Variants in PARD3 observed in about 807,000 individuals in gnomAD.
PARD3 encodes the protein partitioning defective 3 homolog.
A neutral mutation model predicts 155.4 loss-of-function variants in PARD3; 75 were observed. That is an observed-to-expected ratio of 0.48 (90% confidence interval 0.40 to 0.58). PARD3 has a LOEUF of 0.58. Ranked by LOEUF, PARD3 falls within the 20% of genes least tolerant of loss-of-function variation. PARD3 has a pLI of 0.00. For missense variants in PARD3, 1,642 were observed against 1,721.7 expected (o/e 0.95, Z 0.82); for synonymous variants, 576 against 610.5 (o/e 0.94, Z 0.83).
rs140652667 is a variant in PARD3, at chr10:34,389,904, T to C, written c.891-5650A>G. On this transcript the variant is annotated intron_variant, in intron 7 of 24. Coordinates refer to ENST00000374788, the MANE Select transcript of PARD3 (RefSeq NM_001184785.2). The stretch of plus-strand genomic sequence containing the variant: ...GGTAAATAAAAATGGAAAATTCCTT[T>C]AGATTACAGCAGAAATCACAGATGT... Among the ~76,000 whole-genome samples, 664 of 152,292 alleles carry C rather than the reference T, an allele frequency of 4.4e-3. 3 individuals are homozygous for C. Among genetic ancestry groups the C allele is most frequent in the Middle Eastern group, 0.027 (8 of 294 alleles).
At chr10:34,562,162 G>A (rs965583243) in intron 2 of PARD3, among the ~76,000 whole-genome samples, 3 of 146,386 alleles carry the variant, frequency 2.0e-5, no homozygotes, top group Non-Finnish European at 4.5e-5. Flanking sequence ...AGGCTTGTTG[G>A]GGGGTGGCTC....
intron 2 of PARD3, among the ~76,000 whole-genome samples, chr10:34,645,603 CTCTTACCA>C (rs1564455648): frequency 6.6e-6 from 1 of 152,208 alleles, no homozygotes; most frequent in Non-Finnish European, 1.5e-5. Flanking sequence ...AAACAGGTAT[CTCTTACCA>C]TCTGACCAGC....
intron 22 of PARD3, among the ~76,000 whole-genome samples, chr10:34,145,215 A>ATTTTT (rs1431781010): frequency 3.8e-4 from 22 of 57,598 alleles, no homozygotes; most frequent in Non-Finnish European, 5.9e-4. Context: ...ATATATATAT[A>ATTTTT]TATATATTTT....
intron 3 of PARD3, among the ~76,000 whole-genome samples, chr10:34,478,375 CA>C (rs1341736968): frequency 6.6e-6 from 1 of 152,014 alleles, no homozygotes; most frequent in East Asian, 1.9e-4. Context: ...GCTATCCAGA[CA>C]AAAATAAAAC....
intron 19 of PARD3, among the ~76,000 whole-genome samples, chr10:34,322,272 A>T (rs1226368172): frequency 1.3e-5 from 2 of 152,224 alleles, no homozygotes; most frequent in African/African-American, 4.8e-5. Flanking sequence ...AAATTACCCT[A>T]TGGATAGCTG....
intron 2 of PARD3, among the ~76,000 whole-genome samples, chr10:34,675,193 T>C (rs1467274409): frequency 6.6e-6 from 1 of 152,234 alleles, no homozygotes. Flanking sequence ...AAAGCTTTTT[T>C]GTTGAATTTT....
At chr10:34,413,614 T>TGC (rs1845351281) in intron 5 of PARD3, among the ~76,000 whole-genome samples, 1 of 152,150 alleles carries the variant, frequency 6.6e-6, no homozygotes, top group Non-Finnish European at 1.5e-5. Context: ...GCCTCACAGG[T>TGC]CTCTATCACC....
chr10:34,357,214 TTCAG>T (rs1677447870), intron 14 of PARD3, among the ~76,000 whole-genome samples: 1 of 152,188 alleles, frequency 6.6e-6, no homozygotes, highest in Admixed American at 6.5e-5. Flanking sequence ...AACACTGATC[TTCAG>T]TTCATTTCTG....
chr10:34,751,725 C>A (rs534371256), intron 1 of PARD3, among the ~76,000 whole-genome samples: 2 of 152,088 alleles, frequency 1.3e-5, no homozygotes, highest in South Asian at 4.2e-4. Flanking sequence ...CACTTCAGCC[C>A]CTCAAGTAGC....
At chr10:34,508,836 G>A (rs910971133) in intron 3 of PARD3, among the ~76,000 whole-genome samples, 1 of 152,118 alleles carries the variant, frequency 6.6e-6, no homozygotes, top group Non-Finnish European at 1.5e-5. Context: ...AAGTGGATCT[G>A]CACTCAGGAG....
chr10:34,616,335 T>C (rs970113919), intron 2 of PARD3, among the ~76,000 whole-genome samples: 2 of 151,506 alleles, frequency 1.3e-5, no homozygotes, highest in African/African-American at 4.9e-5. Context: ...AAAAAAAAAT[T>C]AAAAAAAGCA....
At chr10:34,361,058 C>T (rs778951602) in intron 12 of PARD3, among the ~76,000 whole-genome samples, 3 of 152,128 alleles carry the variant, frequency 2.0e-5, no homozygotes, top group Non-Finnish European at 4.4e-5. Flanking sequence ...AGATGACAGC[C>T]TATCATTAAG....
chr10:34,686,601 C>A (rs1250906712), intron 2 of PARD3, among the ~76,000 whole-genome samples: 4 of 151,786 alleles, frequency 2.6e-5, no homozygotes, highest in Admixed American at 6.6e-5. Context: ...ATTAGCCAGG[C>A]ATGGTGGTGG....
At chr10:34,271,954 C>T (rs1283130943) in intron 21 of PARD3, among the ~76,000 whole-genome samples, 4 of 152,160 alleles carry the variant, frequency 2.6e-5, no homozygotes, top group Non-Finnish European at 5.9e-5. Flanking sequence ...CCTAACGAAA[C>T]AAAACACACA....
chr10:34,270,580 T>C (rs1390153779), intron 21 of PARD3, among the ~76,000 whole-genome samples: 5 of 152,212 alleles, frequency 3.3e-5, no homozygotes, highest in East Asian at 1.9e-4. Flanking sequence ...TAACGTTACA[T>C]ACACTTTATA....
At chr10:34,491,143 T>C (rs373296209) in intron 3 of PARD3, among the ~76,000 whole-genome samples, 20 of 152,194 alleles carry the variant, frequency 1.3e-4, no homozygotes, top group African/African-American at 4.3e-4. Context: ...TAGATTCAGC[T>C]CCTCAGTTAC....
At chr10:34,814,355 C>A (rs964677202) in intron 1 of PARD3, among the ~76,000 whole-genome samples, 4 of 152,120 alleles carry the variant, frequency 2.6e-5, no homozygotes, top group Non-Finnish European at 4.4e-5. Flanking sequence ...CGCCGCTGTT[C>A]CGCCCCCGCC....
chr10:34,772,215 G>A (rs905987069), intron 1 of PARD3, among the ~76,000 whole-genome samples: 11 of 151,930 alleles, frequency 7.2e-5, no homozygotes, highest in African/African-American at 2.4e-4. Flanking sequence ...TTGAGCTCAG[G>A]AGTTCGAGAC....
chr10:34,254,356 G>A (rs997696798), intron 22 of PARD3, among the ~76,000 whole-genome samples: 1 of 151,786 alleles, frequency 6.6e-6, no homozygotes, highest in African/African-American at 2.4e-5. Flanking sequence ...TCCAGCCTGG[G>A]CGACAGAGCA....
Sources: gnomAD v4.1 joint callset for allele counts (sites outside exome capture counted in the v4.1 genomes callset) on GRCh38, gnomAD v4.1.1 for gene constraint, MANE v1.5 for transcripts, NCBI Gene and HGNC (gene_info 2026-07-23, HGNC 2026-07-21) for gene names.